CCDC7: variants seen among roughly 807,000 people sequenced by gnomAD.
The protein encoded by CCDC7 is coiled-coil domain containing 7.
CCDC7 carries 183 observed loss-of-function variants against 196.9 expected under a neutral mutation model. The ratio of observed to expected loss-of-function variants is 0.93; its 90% CI spans 0.82 to 1.05. The LOEUF is 1.05. Among genes scored for constraint, CCDC7 ranks in the 50% least tolerant of loss-of-function variants. CCDC7 has a pLI of 0.00. For missense variants in CCDC7, 1,540 were observed against 1,482.2 expected (o/e 1.04, Z -0.64); for synonymous variants, 525 against 484.6 (o/e 1.08, Z -1.10).
chr10:32,556,846 C>A (rs1377762547), intron 13 of CCDC7, among the ~76,000 whole-genome samples: 2 of 152,176 alleles, frequency 1.3e-5, no homozygotes, highest in Admixed American at 1.3e-4. Context: ...TTCTGTTTAT[C>A]CCTCTAGCTC....
chr10:32,696,935 C>G, intron 24 of CCDC7, among the ~76,000 whole-genome samples: 1 of 152,056 alleles, frequency 6.6e-6, no homozygotes, highest in East Asian at 1.9e-4. Context: ...CCTTTTTGCA[C>G]CAGAGAAAGT....
chr10:32,796,395 T>C (rs1353438355), intron 29 of CCDC7, among the ~76,000 whole-genome samples: 6 of 152,206 alleles, frequency 3.9e-5, no homozygotes, highest in Non-Finnish European at 8.8e-5. Context: ...TCTCATTTGC[T>C]CACAGATAAT....
chr10:32,574,142 A>G (rs1398787830), intron 16 of CCDC7, among the ~76,000 whole-genome samples: 2 of 152,004 alleles, frequency 1.3e-5, no homozygotes, highest in South Asian at 2.1e-4. Context: ...TGAGGCAAAG[A>G]TGAAGATGTT....
At chr10:32,517,799 A>C in intron 9 of CCDC7, 146 bp from the exon 11 acceptor site, 1 of 670,226 alleles carries the variant, frequency 1.5e-6, no homozygotes, top group Non-Finnish European at 2.3e-6. Flanking sequence ...AAAGAAAAAG[A>C]AAAAGTGGGA....
At chr10:32,697,724 A>G (rs770983672) in intron 24 of CCDC7, among the ~76,000 whole-genome samples, 4 of 152,208 alleles carry the variant, frequency 2.6e-5, no homozygotes, top group Non-Finnish European at 5.9e-5. Context: ...GCCTGCCTGT[A>G]TAGACTCCAC....
At chr10:32,589,246 G>T (rs2059568518) in intron 18 of CCDC7, among the ~76,000 whole-genome samples, 1 of 152,094 alleles carries the variant, frequency 6.6e-6, no homozygotes, top group South Asian at 2.1e-4. Flanking sequence ...GTGAAAACAT[G>T]CAGTTTGTCT....
chr10:32,462,692 T>G, exon 4 of CCDC7: 1 of 1,453,862 alleles, frequency 6.9e-7, no homozygotes, highest in East Asian at 2.3e-5. Flanking sequence ...GATTTTGGAA[T>G]CTCTTTTTAA....
chr10:32,505,146 A>AT (rs56026767), intron 9 of CCDC7, among the ~76,000 whole-genome samples: 1 of 150,954 alleles, frequency 6.6e-6, no homozygotes, highest in Non-Finnish European at 1.5e-5. Context: ...CCCCTTTATA[A>AT]TTTTTTTTAT....
intron 41 of CCDC7, among the ~76,000 whole-genome samples, chr10:32,862,012 T>C (rs1040543153): frequency 6.6e-6 from 1 of 152,170 alleles, no homozygotes; most frequent in Non-Finnish European, 1.5e-5. Context: ...CTGTGGTGAT[T>C]CCTCAAGAAT....
intron 32 of CCDC7, among the ~76,000 whole-genome samples, chr10:32,824,845 T>C (rs1488909710): frequency 1.3e-5 from 2 of 152,252 alleles, no homozygotes; most frequent in African/African-American, 4.8e-5. Flanking sequence ...AGAATATGCT[T>C]GCAGATGTAT....
chr10:32,661,968 AT>A (rs2071564612), intron 20 of CCDC7, among the ~76,000 whole-genome samples: 1 of 152,094 alleles, frequency 6.6e-6, no homozygotes, highest in Non-Finnish European at 1.5e-5. Flanking sequence ...CTTGTGGCCT[AT>A]ATTGCCTTTG....
At chr10:32,607,227 A>T (rs944129664) in intron 18 of CCDC7, among the ~76,000 whole-genome samples, 1 of 152,178 alleles carries the variant, frequency 6.6e-6, no homozygotes, top group Non-Finnish European at 1.5e-5. Context: ...AGCTGAGCAG[A>T]TACCTGGTAC....
intron 11 of CCDC7, among the ~76,000 whole-genome samples, chr10:32,526,752 A>G (rs1385884249): frequency 2.0e-5 from 3 of 152,118 alleles, no homozygotes; most frequent in African/African-American, 7.2e-5. Context: ...TTGGTGCCCT[A>G]TCCTACTGTA....
intron 13 of CCDC7, among the ~76,000 whole-genome samples, chr10:32,545,188 G>C (rs1333852341): frequency 1.3e-5 from 2 of 152,118 alleles, no homozygotes; most frequent in Non-Finnish European, 2.9e-5. Flanking sequence ...GCTTTTTAAT[G>C]AACTTGCCAT....
intron 29 of CCDC7, among the ~76,000 whole-genome samples, chr10:32,801,395 A>T (rs1365406375): frequency 6.6e-6 from 1 of 152,172 alleles, no homozygotes; most frequent in Non-Finnish European, 1.5e-5. Flanking sequence ...AAGCCAATAA[A>T]CTATTAGAAT....
intron 18 of CCDC7, among the ~76,000 whole-genome samples, chr10:32,590,396 G>C (rs1282276977): frequency 6.6e-6 from 1 of 151,714 alleles, no homozygotes; most frequent in Non-Finnish European, 1.5e-5. Flanking sequence ...TCATCCCCCT[G>C]CTTTTTAACT....
chr10:32,781,290 A>G (rs1443984938), intron 29 of CCDC7, among the ~76,000 whole-genome samples: 1 of 152,184 alleles, frequency 6.6e-6, no homozygotes, highest in Non-Finnish European at 1.5e-5. Context: ...AGGAGGGAAT[A>G]CTTCCTAACT....
chr10:32,583,991 T>C (rs780943063), intron 17 of CCDC7, among the ~76,000 whole-genome samples: 5 of 152,100 alleles, frequency 3.3e-5, no homozygotes, highest in Non-Finnish European at 7.4e-5. Context: ...AATCACAATA[T>C]TGCCTGGGCA....
intron 29 of CCDC7, 65 bp from the exon 31 acceptor site, chr10:32,804,949 AC>A: frequency 1.1e-6 from 1 of 912,604 alleles, no homozygotes; most frequent in Non-Finnish European, 1.8e-6. Flanking sequence ...ACACACACAC[AC>A]ACCCCTCACA....
Sources: allele counts gnomAD v4.1 joint callset (sites outside exome capture counted in the v4.1 genomes callset), GRCh38; gene constraint gnomAD v4.1.1; transcripts MANE v1.5; gene names NCBI Gene and HGNC (gene_info 2026-07-23, HGNC 2026-07-21).